MFAP3L: variants seen among roughly 807,000 people sequenced by gnomAD.
The protein encoded by MFAP3L is microfibril associated protein 3 like, also known as microfibrillar-associated protein 3-like.
In MFAP3L, 5 loss-of-function variants were observed where a neutral mutation model predicts 20.0. That is an observed-to-expected ratio of 0.25 (90% confidence interval 0.13 to 0.53). The LOEUF (loss-of-function observed/expected upper bound fraction) is 0.53. Among genes scored for constraint, MFAP3L ranks in the 20% least tolerant of loss-of-function variants. The pLI, the probability that MFAP3L is intolerant of heterozygous loss-of-function variation, is 0.96. For synonymous variants in MFAP3L, 219 were observed against 213.0 expected, an observed-to-expected ratio of 1.03 and a Z score of -0.25; for missense variants, 409 against 527.5, an observed-to-expected ratio of 0.78 and a Z score of 2.20.
intron 1 of MFAP3L, among the ~76,000 whole-genome samples, chr4:170,026,016 C>T (rs1295276504): frequency 2.6e-5 from 4 of 152,090 alleles, no homozygotes; most frequent in African/African-American, 9.7e-5. Flanking sequence ...CCCAAACGGC[C>T]AGCCCCCGCC....
chr4:170,004,868 A>G (rs1185232208), intron 2 of MFAP3L: 1 of 152,276 alleles, frequency 6.6e-6, no homozygotes, highest in African/African-American at 2.4e-5. Flanking sequence ...CTTCTGGTCA[A>G]TCTGACCAGG....
upstream of MFAP3L, among the ~76,000 whole-genome samples, chr4:170,026,594 A>G (rs1227892797): frequency 6.6e-6 from 1 of 151,436 alleles, no homozygotes; most frequent in Non-Finnish European, 1.5e-5. Flanking sequence ...GAGCCACCGG[A>G]GGCTGTAGTT....
intron 1 of MFAP3L, among the ~76,000 whole-genome samples, chr4:170,013,979 G>A (rs1313221826): frequency 6.6e-6 from 1 of 152,110 alleles, no homozygotes; most frequent in Non-Finnish European, 1.5e-5. Context: ...ACTGATGCAG[G>A]GGCCTTTATG....
rs551215056 is a variant in MFAP3L at position 169,989,038 on chromosome 4, T to C, written c.*2340A>G. 53 of 152,270 alleles carry C rather than the reference T, an allele frequency of 3.5e-4. No individual in the cohort carries two copies. The highest frequency in any genetic ancestry group is 6.6e-4 in the Non-Finnish European group (45 of 68,018). The allele number at this position is 152,270 out of a possible 1,614,324, so 9.4% of individuals were successfully genotyped here. ...ATAGGATGGGGTAACATCCATACAGTATCACAAAATGAACTTAAGTCCTCT... is the reference window on the plus strand; with the variant it reads ...ATAGGATGGGGTAACATCCATACAGCATCACAAAATGAACTTAAGTCCTCT... On this transcript the variant is annotated 3_prime_UTR_variant, in exon 3 of 3. Coordinates refer to ENST00000361618, the MANE Select transcript of MFAP3L (RefSeq NM_021647.8).
intron 1 of MFAP3L, among the ~76,000 whole-genome samples, chr4:170,012,937 A>G (rs1219705390): frequency 6.6e-6 from 1 of 152,202 alleles, no homozygotes; most frequent in East Asian, 1.9e-4. Context: ...TTCGGCCTCT[A>G]CAGAATTTTA....
chr4:169,999,913 G>T (rs1461776703), intron 2 of MFAP3L, among the ~76,000 whole-genome samples: 1 of 152,062 alleles, frequency 6.6e-6, no homozygotes, highest in Non-Finnish European at 1.5e-5. Context: ...TTATTGTAGG[G>T]GTCTGTCCTG....
At chr4:170,005,301 T>C (rs1581490250) in intron 2 of MFAP3L, 1 of 442,458 alleles carries the variant, frequency 2.3e-6, no homozygotes, top group Non-Finnish European at 4.0e-6. Context: ...CATTTTACAT[T>C]TGTCTCTATA....
rs1051794330 is a variant in MFAP3L at position 170,006,021 on chromosome 4, G to C, written c.-133-11C>G. On this transcript the variant is annotated splice_polypyrimidine_tract_variant and intron_variant, in intron 1 of 2. Coordinates refer to ENST00000361618, the MANE Select transcript of MFAP3L (RefSeq NM_021647.8). ...TACTTGAGCAAGAACCTGTTTTTAAGAAAACAAAAATATATACACATAAAC... is the reference window on the plus strand; with the variant it reads ...TACTTGAGCAAGAACCTGTTTTTAACAAAACAAAAATATATACACATAAAC... 43 of 1,423,734 alleles carry C rather than the reference G, an allele frequency of 3.0e-5. No individual in the cohort carries two copies. Among genetic ancestry groups the C allele is most frequent in the Non-Finnish European group, 3.7e-5 (40 of 1,091,546 alleles). The allele number at this position is 1,423,734 out of a possible 1,614,324, so 88.2% of individuals were successfully genotyped here. A position where few individuals can be genotyped will look rare whatever the true frequency, so the allele number is the denominator to read the frequency against.
Position 169,991,563 on chromosome 4 carries a change from A to G in MFAP3L, c.1045T>C (p.Ser349Pro). The G allele has an allele frequency of 1.2e-6, 2 of 1,614,032 alleles. No homozygotes were observed. Among genetic ancestry groups the G allele is most frequent in the Non-Finnish European group, 1.7e-6 (2 of 1,180,016 alleles). ...GCAGTTTCGGGGGAATGTTCCGCCG[A>G]CAGTTCTGTCTCCTCTACATCTTTG... ...EVKDVEETEL[S>P]AEHSPETAEP... The change falls in exon 3 of 3, where the codon TCG (serine) becomes CCG (proline). Residue 349 changes from serine to proline, a missense_variant. By Grantham distance (74) the Ser-to-Pro change is moderately conservative. This residue lies in a region of MFAP3L where 169 missense variants were observed against 178.2 expected (regional missense o/e 0.95). Coordinates refer to ENST00000361618, the MANE Select transcript of MFAP3L (RefSeq NM_021647.8). The surrounding 1 kb of genome is among the most constrained non-coding windows in gnomAD (Gnocchi z 4.9).
At chr4:170,002,559 G>T (rs369194774) in intron 2 of MFAP3L, among the ~76,000 whole-genome samples, 1 of 151,352 alleles carries the variant, frequency 6.6e-6, no homozygotes, top group Non-Finnish European at 1.5e-5. Context: ...CACCAGGCTC[G>T]AGTGCAGTGG....
At chr4:169,994,484 G>A (rs1415073936) in intron 2 of MFAP3L, 1 of 977,832 alleles carries the variant, frequency 1.0e-6, no homozygotes, top group Admixed American at 6.2e-5. Flanking sequence ...AAAATAAAAT[G>A]TGAAAATACT....
Position 170,002,997 on chromosome 4 carries a change from C to T in MFAP3L, c.298+2583G>A, listed in dbSNP as rs1363974920. Among the ~76,000 whole-genome samples, 10 of 152,224 alleles carry T rather than the reference C, an allele frequency of 6.6e-5. No individual in the cohort carries two copies. In the East Asian group the frequency reaches 1.7e-3, roughly 26 times the overall value. ...TAAAGACTGTGGGTTTACCAATAGG[C>T]CATTCCAGCTCTCAGATTCTGATAT... On this transcript the variant is annotated intron_variant, in intron 2 of 2. Coordinates refer to ENST00000361618, the MANE Select transcript of MFAP3L (RefSeq NM_021647.8).
intron 2 of MFAP3L, among the ~76,000 whole-genome samples, chr4:169,996,021 C>G (rs1449691230): frequency 1.5e-5 from 2 of 135,768 alleles, no homozygotes; most frequent in Non-Finnish European, 3.2e-5. Context: ...CCCCACCCCC[C>G]ACCCTGAAAT....
chr4:170,012,669 GAGA>G (rs1270401456), intron 1 of MFAP3L, among the ~76,000 whole-genome samples: 1 of 152,244 alleles, frequency 6.6e-6, no homozygotes, highest in Non-Finnish European at 1.5e-5. Flanking sequence ...AGCACACCAT[GAGA>G]AGAATTAGAG....
intron 1 of MFAP3L, among the ~76,000 whole-genome samples, chr4:170,022,731 T>C (rs762395913): frequency 6.6e-6 from 1 of 152,090 alleles, no homozygotes; most frequent in Non-Finnish European, 1.5e-5. Context: ...AGAGAAAGAT[T>C]GGACTGGCCG....
At chr4:170,002,512 CTTTTTT>C (rs576564306) in intron 2 of MFAP3L, among the ~76,000 whole-genome samples, 1 of 151,710 alleles carries the variant, frequency 6.6e-6, no homozygotes, top group African/African-American at 2.4e-5. Context: ...TATCATTTTT[CTTTTTT>C]TTGTTTTTTT....
chr4:170,017,651 TG>T (rs1435547145), intron 1 of MFAP3L, among the ~76,000 whole-genome samples: 1 of 152,244 alleles, frequency 6.6e-6, no homozygotes, highest in Non-Finnish European at 1.5e-5. Context: ...TTTAAAATTT[TG>T]TTCATAAAAG....
chr4:169,998,260 T>C (rs1738347099), intron 2 of MFAP3L, among the ~76,000 whole-genome samples: 1 of 152,236 alleles, frequency 6.6e-6, no homozygotes, highest in Non-Finnish European at 1.5e-5. Flanking sequence ...AACAGATCAA[T>C]AGCATCCTAT....
intron 2 of MFAP3L, among the ~76,000 whole-genome samples, chr4:170,003,135 A>AT (rs1399161384): frequency 6.6e-6 from 1 of 152,182 alleles, no homozygotes; most frequent in African/African-American, 2.4e-5. Flanking sequence ...ACCATCATGC[A>AT]TTGTAATTAC....
Sources: allele counts gnomAD v4.1 joint callset (sites outside exome capture counted in the v4.1 genomes callset), GRCh38; gene constraint gnomAD v4.1.1; regional missense constraint gnomAD v4.1.1; non-coding constraint Gnocchi (gnomAD v3.1); transcripts MANE v1.5; gene names NCBI Gene and HGNC (gene_info 2026-07-23, HGNC 2026-07-21).